The following SDC2 variants were observed in gnomAD, a reference collection of about 807,000 sequenced individuals.
The protein encoded by SDC2 is syndecan-2.
A neutral mutation model predicts 22.2 loss-of-function variants in SDC2; 13 were observed. That is an observed-to-expected ratio of 0.59 (90% CI 0.38 to 0.93). The LOEUF (loss-of-function observed/expected upper bound fraction) is 0.93, where lower values mean the gene tolerates loss of function less well. Among genes scored for constraint, SDC2 ranks in the 40% least tolerant of loss-of-function variants. SDC2 has a pLI of 0.00. For missense variants in SDC2, 235 were observed against 246.8 expected (o/e 0.95, Z 0.32); for synonymous variants, 94 against 92.8 (o/e 1.01, Z -0.07).
At chr8:96,518,416 A>G (rs533626705) in intron 1 of SDC2, among the ~76,000 whole-genome samples, 15 of 145,612 alleles carry the variant, frequency 1.0e-4, no homozygotes, top group Non-Finnish European at 1.9e-4. Context: ...GCTGGAGTGC[A>G]GTGGCGCGAT....
intron 2 of SDC2, among the ~76,000 whole-genome samples, chr8:96,599,997 T>A (rs1814950657): frequency 6.6e-6 from 1 of 151,176 alleles, no homozygotes; most frequent in African/African-American, 2.4e-5. Context: ...TAATAATAAT[T>A]TTTTTTTTAA....
chr8:96,515,885 G>T (rs1813393730), intron 1 of SDC2, among the ~76,000 whole-genome samples: 1 of 152,150 alleles, frequency 6.6e-6, no homozygotes, highest in African/African-American at 2.4e-5. Flanking sequence ...TTAGAGGCAG[G>T]TGGAAAATAC....
chr8:96,595,599 T>C (rs16892174), intron 2 of SDC2, among the ~76,000 whole-genome samples: 30,014 of 152,088 alleles, frequency 0.2, 3,481 homozygotes, highest in South Asian at 0.36. Context: ...TGTTCCTACT[T>C]CGCAGATCTT....
At chr8:96,499,123 A>G (rs998609668) in intron 1 of SDC2, among the ~76,000 whole-genome samples, 10 of 152,282 alleles carry the variant, frequency 6.6e-5, no homozygotes, top group African/African-American at 2.4e-4. Flanking sequence ...TGGCCCATTG[A>G]TATCACTATC....
At chr8:96,588,538 T>C (rs1213558415) in intron 1 of SDC2, among the ~76,000 whole-genome samples, 1 of 152,250 alleles carries the variant, frequency 6.6e-6, no homozygotes, top group African/African-American at 2.4e-5. Flanking sequence ...TAATTGGAGT[T>C]GGACTGCCTT....
chr8:96,562,540 C>T (rs1181878611), intron 1 of SDC2, among the ~76,000 whole-genome samples: 1 of 152,164 alleles, frequency 6.6e-6, no homozygotes, highest in African/African-American at 2.4e-5. Flanking sequence ...ACGTCAGAAG[C>T]TCTGCATTGG....
intron 1 of SDC2, among the ~76,000 whole-genome samples, chr8:96,532,707 C>CA (rs1159281516): frequency 2.6e-5 from 4 of 151,976 alleles, no homozygotes; most frequent in African/African-American, 7.2e-5. Flanking sequence ...GCTGTGAACT[C>CA]AGACAGGCTG....
At chr8:96,581,738 A>C (rs768866362) in intron 1 of SDC2, among the ~76,000 whole-genome samples, 5 of 152,208 alleles carry the variant, frequency 3.3e-5, no homozygotes, top group Non-Finnish European at 7.3e-5. Context: ...GACAGAAGGC[A>C]GCACGGGAGT....
chr8:96,605,043 C>T (rs190864171), intron 3 of SDC2, among the ~76,000 whole-genome samples: 311 of 152,332 alleles, frequency 2.0e-3, no homozygotes, highest in African/African-American at 7.3e-3. Context: ...CCCACACTCT[C>T]AGATCCCTGG....
At chr8:96,497,058 C>T (rs1302544018) in intron 1 of SDC2, among the ~76,000 whole-genome samples, 2 of 151,948 alleles carry the variant, frequency 1.3e-5, no homozygotes. Context: ...ATAATTTGAA[C>T]TGGAAATATG....
At chr8:96,560,426 G>A (rs904197878) in intron 1 of SDC2, among the ~76,000 whole-genome samples, 4 of 152,144 alleles carry the variant, frequency 2.6e-5, no homozygotes, top group African/African-American at 9.7e-5. Flanking sequence ...TGCTATATGA[G>A]TTAACTGTTC....
chr8:96,579,347 G>T (rs558425902), intron 1 of SDC2, among the ~76,000 whole-genome samples: 10 of 152,324 alleles, frequency 6.6e-5, no homozygotes, highest in African/African-American at 2.4e-4. Context: ...ATGCCAAATT[G>T]CTTTGTCTGT....
chr8:96,569,885 C>CGGAGGT (rs1325318885), intron 1 of SDC2, among the ~76,000 whole-genome samples: 2 of 151,974 alleles, frequency 1.3e-5, no homozygotes, highest in Non-Finnish European at 2.9e-5. Context: ...ATAAGGGGCC[C>CGGAGGT]GGAGGTGTGA....
chr8:96,495,017 C>T (rs928605732), intron 1 of SDC2, among the ~76,000 whole-genome samples: 1 of 152,224 alleles, frequency 6.6e-6, no homozygotes, highest in African/African-American at 2.4e-5. Context: ...CCACTGGATT[C>T]CCAGTCCTGC....
At chr8:96,505,367 G>A (rs964221893) in intron 1 of SDC2, among the ~76,000 whole-genome samples, 6 of 151,952 alleles carry the variant, frequency 3.9e-5, no homozygotes, top group Non-Finnish European at 5.9e-5. Context: ...GCAGTGGTGC[G>A]ATCTCGGCTC....
chr8:96,549,262 C>T (rs1323167422), intron 1 of SDC2, among the ~76,000 whole-genome samples: 5 of 152,120 alleles, frequency 3.3e-5, no homozygotes, highest in Non-Finnish European at 5.9e-5. Flanking sequence ...AACCAGAGGC[C>T]TTGGCTTAGA....
intron 1 of SDC2, among the ~76,000 whole-genome samples, chr8:96,543,781 C>T (rs1162814095): frequency 6.6e-6 from 1 of 152,186 alleles, no homozygotes; most frequent in Non-Finnish European, 1.5e-5. Context: ...AAAATCATAA[C>T]AGTATGTGTA....
chr8:96,608,555 T>G (rs1815123266), intron 4 of SDC2, 85 bp downstream of exon 4: 15 of 1,243,692 alleles, frequency 1.2e-5, no homozygotes, highest in Non-Finnish European at 1.4e-5. Flanking sequence ...GCAGCAAAGC[T>G]TGCTGTCATC....
chr8:96,569,006 CCTT>C (rs1021523313), intron 1 of SDC2, among the ~76,000 whole-genome samples: 1 of 152,090 alleles, frequency 6.6e-6, no homozygotes, highest in African/African-American at 2.4e-5. Flanking sequence ...GCTTCCTCCT[CCTT>C]GTTTTTGTGT....
Sources: allele counts gnomAD v4.1 joint callset (sites outside exome capture counted in the v4.1 genomes callset), GRCh38; gene constraint gnomAD v4.1.1; transcripts MANE v1.5; gene names NCBI Gene and HGNC (gene_info 2026-07-23, HGNC 2026-07-21).